SNX29: variants seen among roughly 807,000 people sequenced by gnomAD.
The protein encoded by SNX29 is sorting nexin-29.
Under a neutral mutation model 102.1 loss-of-function variants are expected in SNX29, and 78 were observed. That is an observed-to-expected ratio of 0.76 (90% CI 0.64 to 0.92). The LOEUF (loss-of-function observed/expected upper bound fraction) is 0.92. Ranked by LOEUF, SNX29 falls within the 40% of genes least tolerant of loss-of-function variation. SNX29 has a pLI of 0.00. For synonymous variants in SNX29, 580 were observed against 414.5 expected (o/e 1.40, Z -4.85); for missense variants, 1,280 against 1,061.7 (o/e 1.21, Z -2.86).
chr16:12,382,405 G>A (rs1458695075), intron 16 of SNX29, among the ~76,000 whole-genome samples: 1 of 152,196 alleles, frequency 6.6e-6, no homozygotes, highest in Admixed American at 6.5e-5. Context: ...CCTGCTTCCA[G>A]TCCTCACTGT....
At chr16:12,371,899 T>A (rs983993078) in intron 16 of SNX29, among the ~76,000 whole-genome samples, 1 of 152,254 alleles carries the variant, frequency 6.6e-6, no homozygotes, top group African/African-American at 2.4e-5. Flanking sequence ...CATTTGCTCC[T>A]CCTGTTCCTT....
chr16:12,297,985 C>T (rs1478393299), intron 15 of SNX29, among the ~76,000 whole-genome samples: 1 of 152,186 alleles, frequency 6.6e-6, no homozygotes, highest in East Asian at 1.9e-4. Flanking sequence ...GCCTGGCCAA[C>T]ATGGCAAAAG....
At chr16:12,010,319 A>T (rs1204915619) in intron 3 of SNX29, among the ~76,000 whole-genome samples, 1 of 152,128 alleles carries the variant, frequency 6.6e-6, no homozygotes, top group East Asian at 1.9e-4. Flanking sequence ...ATTCATCTGC[A>T]TTTAGAAGTT....
chr16:12,385,638 C>T (rs1567509366), intron 16 of SNX29, among the ~76,000 whole-genome samples: 1 of 152,220 alleles, frequency 6.6e-6, no homozygotes, highest in East Asian at 1.9e-4. Flanking sequence ...TGTGCATCAG[C>T]TGTCCCCAAA....
At chr16:12,128,198 C>G (rs2054300901) in intron 12 of SNX29, among the ~76,000 whole-genome samples, 1 of 152,228 alleles carries the variant, frequency 6.6e-6, no homozygotes, top group African/African-American at 2.4e-5. Flanking sequence ...TTGAGGGATT[C>G]TTTGTCCATG....
In SNX29 at chr16:12,572,098, G is replaced by C. The variant is rs1424109153; in HGVS notation, c.*3469G>C. The C allele has an allele frequency of 9.4e-7, 1 of 1,058,402 alleles. No individual in the cohort carries two copies. Among genetic ancestry groups the C allele is most frequent in the Non-Finnish European group, 1.1e-6 (1 of 873,312 alleles). The allele number at this position is 1,058,402 out of a possible 1,614,324, so 65.6% of individuals were successfully genotyped here. Reference sequence around the variant, plus strand: ...TAGGAAGAGGAAGGGGAGGGATGTGGACTGGGTCTGATCACAGCCCTTGGC... The same window carrying C: ...TAGGAAGAGGAAGGGGAGGGATGTGCACTGGGTCTGATCACAGCCCTTGGC... On this transcript the variant is annotated 3_prime_UTR_variant, in exon 21 of 21. Transcript: ENST00000566228.
chr16:12,071,361 G>C (rs1442543844), intron 10 of SNX29, among the ~76,000 whole-genome samples: 1 of 152,264 alleles, frequency 6.6e-6, no homozygotes, highest in African/African-American at 2.4e-5. Flanking sequence ...GTGTAAGGAA[G>C]GGATCCAGTT....
At chr16:12,197,184 C>T (rs1336589520) in intron 13 of SNX29, among the ~76,000 whole-genome samples, 1 of 152,170 alleles carries the variant, frequency 6.6e-6, no homozygotes, top group East Asian at 1.9e-4. Flanking sequence ...CTTTCTTTCC[C>T]TGATTTTAAG....
chr16:12,561,511 A>G (rs572979464), intron 20 of SNX29, among the ~76,000 whole-genome samples: 1 of 152,278 alleles, frequency 6.6e-6, no homozygotes, highest in African/African-American at 2.4e-5. Flanking sequence ...CACAGGTGAA[A>G]CAAAGTGAAA....
At chr16:12,078,370 G>T (rs1283351063) in intron 10 of SNX29, among the ~76,000 whole-genome samples, 1 of 152,114 alleles carries the variant, frequency 6.6e-6, no homozygotes, top group Non-Finnish European at 1.5e-5. Context: ...AGCTACTTGG[G>T]AGGCTGAGGC....
intron 14 of SNX29, among the ~76,000 whole-genome samples, chr16:12,257,832 C>G (rs2078620901): frequency 6.6e-6 from 1 of 152,108 alleles, no homozygotes; most frequent in Admixed American, 6.5e-5. Flanking sequence ...CCAGCACCCA[C>G]TCATAAATGC....
At chr16:12,542,735 A>G (rs533013870) in intron 20 of SNX29, among the ~76,000 whole-genome samples, 1 of 150,904 alleles carries the variant, frequency 6.6e-6, no homozygotes, top group African/African-American at 2.4e-5. Flanking sequence ...AATCTTGTGC[A>G]TATAAGCACT....
intron 14 of SNX29, among the ~76,000 whole-genome samples, chr16:12,224,977 G>C (rs900185750): frequency 6.6e-6 from 1 of 152,200 alleles, no homozygotes; most frequent in African/African-American, 2.4e-5. Flanking sequence ...GCTCTGCTCT[G>C]TTCCAGCAAG....
At chr16:12,006,917 G>A (rs182675402) in intron 3 of SNX29, among the ~76,000 whole-genome samples, 32 of 152,288 alleles carry the variant, frequency 2.1e-4, no homozygotes, top group African/African-American at 7.2e-4. Flanking sequence ...CACTGTGCCT[G>A]GGTTATCCCT....
At chr16:12,398,648 C>A in intron 17 of SNX29, 147 bp downstream of exon 17, 7 of 836,704 alleles carry the variant, frequency 8.4e-6, no homozygotes, top group East Asian at 2.5e-5. Context: ...TGGTAGGAGT[C>A]GCTCTCCTAC....
chr16:12,565,699 A>AAGCAGCTGGGCC, intron 20 of SNX29, among the ~76,000 whole-genome samples: 1 of 151,842 alleles, frequency 6.6e-6, no homozygotes, highest in East Asian at 1.9e-4. Flanking sequence ...CAGGAAGGGG[A>AAGCAGCTGGGCC]AGCAGCTGGG....
At chr16:12,555,847 A>C (rs1598001978) in intron 20 of SNX29, among the ~76,000 whole-genome samples, 2 of 151,656 alleles carry the variant, frequency 1.3e-5, no homozygotes, top group African/African-American at 2.4e-5. Flanking sequence ...AACCCCCCTC[A>C]CCACCTCCAT....
At chr16:12,416,255 C>T (rs943694276) in intron 18 of SNX29, among the ~76,000 whole-genome samples, 17 of 152,104 alleles carry the variant, frequency 1.1e-4, no homozygotes, top group African/African-American at 4.8e-5. Flanking sequence ...TTAGCACAGA[C>T]GCAAGCAGAG....
At chr16:12,202,667 T>C (rs8046606) in intron 14 of SNX29, among the ~76,000 whole-genome samples, 31,798 of 152,194 alleles carry the variant, frequency 0.21, 3,404 homozygotes, top group East Asian at 0.27. Flanking sequence ...CTTATGAAAG[T>C]AGGAAATCAC....
Sources: allele counts gnomAD v4.1 joint callset (sites outside exome capture counted in the v4.1 genomes callset), GRCh38; gene constraint gnomAD v4.1.1; transcripts MANE v1.5; gene names NCBI Gene and HGNC (gene_info 2026-07-23, HGNC 2026-07-21).